Variants in REPS2 observed in about 807,000 individuals in gnomAD.
REPS2 encodes ralBP1-associated Eps domain-containing protein 2.
A neutral mutation model predicts 53.6 loss-of-function variants in REPS2; 23 were observed. The observed-to-expected ratio is 0.43, with a 90% CI of 0.31 to 0.61. The LOEUF is 0.61. Among genes scored for constraint, REPS2 ranks in the 20% least tolerant of loss-of-function variants. The pLI, the probability that REPS2 is intolerant of heterozygous loss-of-function variation, is 0.11. For missense variants in REPS2, 446 were observed against 534.9 expected (o/e 0.83, Z 1.64); for synonymous variants, 238 against 218.6 (o/e 1.09, Z -0.78).
intron 14 of REPS2, among the ~76,000 whole-genome samples, chrX:17,133,184 T>C (rs1244012845): frequency 9.0e-6 from 1 of 110,869 alleles, no homozygotes; most frequent in Non-Finnish European, 1.9e-5. Flanking sequence ...AGGCTTGGGC[T>C]TCGGAGGAGC....
intron 6 of REPS2, among the ~76,000 whole-genome samples, chrX:17,050,201 T>TCTTTCTTTCTTTTCTTTCTTTC: frequency 1.3e-5 from 1 of 75,187 alleles, no homozygotes; most frequent in African/African-American, 6.0e-5. Flanking sequence ...TTTCTTTTTT[T>TCTTTCTTTCTTTTCTTTCTTTC]TTTTTTTTTG....
At chrX:17,111,317 A>G (rs928861595) in intron 14 of REPS2, among the ~76,000 whole-genome samples, 1 of 112,283 alleles carries the variant, frequency 8.9e-6, no homozygotes, top group African/African-American at 3.2e-5. Context: ...CTGTTAAAGC[A>G]TATTTATGAA....
At position 17,118,501 on chromosome X, in the gene REPS2, G is replaced by A. The variant is rs149631953; in HGVS notation, c.1578+14722G>A. On this transcript the variant is annotated intron_variant, in intron 14 of 17. Transcript: ENST00000357277. ...CATTGCATATCATTTTATGTAAGGGGAAGTTGAGATTCAGAGAGCAGAAGT... is the reference window on the plus strand; with the variant it reads ...CATTGCATATCATTTTATGTAAGGGAAAGTTGAGATTCAGAGAGCAGAAGT... Among the ~76,000 whole-genome samples the A allele has an allele frequency of 8.0e-3, 889 of 111,703 alleles. 12 individuals carry two copies. The highest frequency in any genetic ancestry group is 0.028 in the African/African-American group (860 of 30,692).
intron 1 of REPS2, among the ~76,000 whole-genome samples, chrX:16,999,979 G>A (rs1020528464): frequency 1.6e-4 from 16 of 99,138 alleles, no homozygotes; most frequent in Non-Finnish European, 8.2e-5. Context: ...CCCGGGAGGC[G>A]GAGCTTGCAG....
chrX:17,029,584 A>G lies in REPS2; in HGVS notation c.732A>G (p.Pro244=). 1 of 1,210,948 alleles carries G rather than the reference A, an allele frequency of 8.3e-7. No homozygotes were observed. The highest frequency in any genetic ancestry group is 1.8e-5 in the South Asian group (1 of 57,006). The change falls in exon 5 of 18, where the codon CCA becomes CCG. Residue 244 remains proline (P), a synonymous_variant. Coordinates refer to ENST00000357277, the MANE Select transcript of REPS2 (RefSeq NM_004726.3). The stretch of plus-strand genomic sequence containing the variant: ...CCGAGGGATCCTCATCAGGGGGCCC[A>G]GGAACCAAGCCCCTTCGGCATCAGG... ...VQPEGSSSGG[P]GTKPLRHQAS...
chrX:16,971,773 A>G (rs2060898250), intron 1 of REPS2, among the ~76,000 whole-genome samples: 1 of 112,149 alleles, frequency 8.9e-6, no homozygotes, highest in Non-Finnish European at 1.9e-5. Context: ...GTTTTGAACA[A>G]ACTGTTCTTT....
chrX:16,968,032 C>T (rs1214251726), intron 1 of REPS2, among the ~76,000 whole-genome samples: 6 of 110,466 alleles, frequency 5.4e-5, no homozygotes, highest in African/African-American at 9.9e-5. Context: ...GATTAGGGAG[C>T]GGTGATGACT....
chrX:17,111,577 A>G (rs181923524), intron 14 of REPS2, among the ~76,000 whole-genome samples: 9 of 112,332 alleles, frequency 8.0e-5, no homozygotes, highest in Non-Finnish European at 1.1e-4. Context: ...GATTAAGGAA[A>G]GAAGATATAA....
intron 2 of REPS2, among the ~76,000 whole-genome samples, chrX:17,012,596 G>T (rs1884822312): frequency 9.2e-6 from 1 of 108,837 alleles, no homozygotes; most frequent in Admixed American, 9.8e-5. Context: ...CTTTTCACTA[G>T]TCCCTTTGGG....
chrX:17,138,997 T>C, intron 17 of REPS2, 36 bp downstream of exon 17: 1 of 937,761 alleles, frequency 1.1e-6, no homozygotes, highest in Non-Finnish European at 1.5e-6. Flanking sequence ...TGACCAGGCT[T>C]TTCCCTGGCT....
chrX:16,976,588 TGACTTCTCTCCAAAG>T (rs771737298), intron 1 of REPS2, among the ~76,000 whole-genome samples: 10 of 111,530 alleles, frequency 9.0e-5, no homozygotes, highest in Non-Finnish European at 1.7e-4. Flanking sequence ...ATAACAAAAC[TGACTTCTCTCCAAAG>T]GGTGCTTTGA....
the REPS2 span, among the ~76,000 whole-genome samples, chrX:17,158,835 G>C: frequency 8.9e-6 from 1 of 111,997 alleles, no homozygotes; most frequent in Non-Finnish European, 1.9e-5. Context: ...CGCATTGCCT[G>C]TTTGCGACCT....
chrX:17,145,410 T>A (rs2063499698), intron 17 of REPS2, among the ~76,000 whole-genome samples: 1 of 111,888 alleles, frequency 8.9e-6, no homozygotes, highest in South Asian at 3.8e-4. Flanking sequence ...TGTTTTCTCC[T>A]TAGATATCCA....
the REPS2 span, among the ~76,000 whole-genome samples, chrX:17,191,016 T>C: frequency 9.0e-6 from 1 of 111,549 alleles, no homozygotes; most frequent in African/African-American, 3.3e-5. Flanking sequence ...TACAAAGCTT[T>C]TAGGAAAACA....
chrX:16,957,093 C>T (rs1012920624), intron 1 of REPS2, among the ~76,000 whole-genome samples: 1 of 112,210 alleles, frequency 8.9e-6, no homozygotes, highest in African/African-American at 3.2e-5. Flanking sequence ...TAAAGTGAAT[C>T]CCATAAATGC....
the REPS2 span, among the ~76,000 whole-genome samples, chrX:17,167,017 C>G: frequency 1.8e-5 from 2 of 112,172 alleles, no homozygotes; most frequent in Admixed American, 1.9e-4. Flanking sequence ...GGGACACCTC[C>G]ATTCTGATCT....
chrX:17,118,095 G>A (rs1476549727), intron 14 of REPS2, among the ~76,000 whole-genome samples: 1 of 99,808 alleles, frequency 1.0e-5, no homozygotes, highest in African/African-American at 3.7e-5. Flanking sequence ...AAGTAGCTGG[G>A]ACTACAGGCG....
At chrX:17,171,696 ATT>A in the REPS2 span, among the ~76,000 whole-genome samples, 1 of 104,241 alleles carries the variant, frequency 9.6e-6, no homozygotes, top group African/African-American at 3.5e-5. Flanking sequence ...ATTTTTATGT[ATT>A]TTTTTTTTGT....
chrX:16,951,893 A>T (rs951944630), intron 1 of REPS2, among the ~76,000 whole-genome samples: 1 of 111,956 alleles, frequency 8.9e-6, no homozygotes, highest in African/African-American at 3.2e-5. Flanking sequence ...TTTTTTTAAC[A>T]TATACACATC....
Sources: allele counts gnomAD v4.1 joint callset (sites outside exome capture counted in the v4.1 genomes callset), GRCh38; gene constraint gnomAD v4.1.1; transcripts MANE v1.5; gene names NCBI Gene and HGNC (gene_info 2026-07-23, HGNC 2026-07-21).